Variants in CACNA1B observed in about 807,000 individuals in gnomAD.
CACNA1B encodes voltage-dependent N-type calcium channel subunit alpha-1B.
CACNA1B carries 70 observed loss-of-function variants against 247.2 expected under a neutral mutation model. The observed-to-expected ratio is 0.28, with a 90% CI of 0.23 to 0.35. The LOEUF is 0.35. Ranked by LOEUF, CACNA1B falls within the 10% of genes least tolerant of loss-of-function variation. The pLI, the probability that CACNA1B is intolerant of heterozygous loss-of-function variation, is 1.00. For missense variants in CACNA1B, 2,367 were observed against 3,197.4 expected, an observed-to-expected ratio of 0.74 and a Z score of 6.26; for synonymous variants, 1,231 against 1,294.4, an observed-to-expected ratio of 0.95 and a Z score of 1.05.
chr9:138,091,936 A>G (rs1023636152), intron 36 of CACNA1B, among the ~76,000 whole-genome samples: 4 of 152,212 alleles, frequency 2.6e-5, no homozygotes, highest in Admixed American at 6.5e-5. Context: ...GACATCACCT[A>G]TTGGTAGGTT....
At position 137,974,451 on chromosome 9, in the gene CACNA1B, A is replaced by G. The variant is rs1222547239; in HGVS notation, c.1544-1456A>G. Among the ~76,000 whole-genome samples, 1 of 152,120 alleles carries G rather than the reference A, an allele frequency of 6.6e-6. No individual in the cohort carries two copies. The highest frequency in any genetic ancestry group is 2.4e-5 in the African/African-American group (1 of 41,416). On this transcript the variant is annotated intron_variant, in intron 11 of 46. Coordinates refer to ENST00000371372, the MANE Select transcript of CACNA1B (RefSeq NM_000718.4). This position sits in a 1 kb window ranked among gnomAD's most constrained non-coding sequence, Gnocchi z 4.5. ...ACTTGCTCCAAGGAACTGGTTGTCCATGTCCTCAGGCCATACAAAGTGGGG... is the reference window on the plus strand; with the variant it reads ...ACTTGCTCCAAGGAACTGGTTGTCCGTGTCCTCAGGCCATACAAAGTGGGG...
Position 137,954,891 on chromosome 9 carries a change from A to G in CACNA1B, c.1071-807A>G, listed in dbSNP as rs912149789. ...GTGTGTGTGTGTGTGAGAGAGAGAGAGAGAGAGAGAGGGGGAGAGAGAGAG... is the reference window on the plus strand; with the variant it reads ...GTGTGTGTGTGTGTGAGAGAGAGAGGGAGAGAGAGAGGGGGAGAGAGAGAG... On this transcript the variant is annotated intron_variant, in intron 7 of 46. Coordinates refer to ENST00000371372, the MANE Select transcript of CACNA1B (RefSeq NM_000718.4). The surrounding 1 kb of genome is among the most constrained non-coding windows in gnomAD (Gnocchi z 4.1). Among the ~76,000 whole-genome samples the G allele has an allele frequency of 1.1e-5, 1 of 93,014 alleles. No individual in the cohort carries two copies. Among genetic ancestry groups the G allele is most frequent in the African/African-American group, 8.1e-5 (1 of 12,378 alleles). The allele number at this position is 93,014 out of a possible 152,430, so 61.0% of individuals were successfully genotyped here. A position where few individuals can be genotyped will look rare whatever the true frequency, so the allele number is the denominator to read the frequency against.
At position 137,917,099 on chromosome 9, in the gene CACNA1B, G is replaced by A; in HGVS notation, c.776-142G>A. 1.5e-6 allele frequency: 1 copy of A among 688,734 alleles called. No homozygotes were observed. Among genetic ancestry groups the A allele is most frequent in the Non-Finnish European group, 2.4e-6 (1 of 413,470 alleles). The allele number at this position is 688,734 out of a possible 1,614,324, so 42.7% of individuals were successfully genotyped here. A position where few individuals can be genotyped will look rare whatever the true frequency, so the allele number is the denominator to read the frequency against. ...GCCTGATGCAGATTCGAGGAGGGAT[G>A]GTGGGAAGTTGAGGGAGAGTTTCTG... On this transcript the variant is annotated intron_variant, in intron 5 of 46. Transcript: ENST00000371372. The surrounding 1 kb of genome is among the most constrained non-coding windows in gnomAD (Gnocchi z 5.5).
intron 10 of CACNA1B, among the ~76,000 whole-genome samples, chr9:137,965,601 A>T (rs1000181135): frequency 6.6e-6 from 1 of 151,660 alleles, no homozygotes; most frequent in African/African-American, 2.4e-5. Flanking sequence ...TTATTTATTT[A>T]TTTATTTATT....
intron 6 of CACNA1B, among the ~76,000 whole-genome samples, chr9:137,935,344 A>G (rs1347698030): frequency 6.6e-6 from 1 of 152,124 alleles, no homozygotes; most frequent in Non-Finnish European, 1.5e-5. Context: ...GTGAGTGAGA[A>G]CATGCGGTGT....
At chr9:137,969,680 G>A (rs1300941675) in intron 10 of CACNA1B, among the ~76,000 whole-genome samples, 1 of 152,200 alleles carries the variant, frequency 6.6e-6, no homozygotes, top group Non-Finnish European at 1.5e-5. Context: ...GTCTGTGTGA[G>A]CATCTCATTG....
At chr9:137,959,720 G>A (rs1244712934) in intron 10 of CACNA1B, among the ~76,000 whole-genome samples, 1 of 152,166 alleles carries the variant, frequency 6.6e-6, no homozygotes, top group South Asian at 2.1e-4. Flanking sequence ...CGCCTGTGTC[G>A]AGTGCTTGTG....
rs540676212 is a variant in CACNA1B at position 138,073,098 on chromosome 9, C to T, written c.4675-390C>T. On this transcript the variant is annotated intron_variant, in intron 32 of 46. Coordinates refer to ENST00000371372, the MANE Select transcript of CACNA1B (RefSeq NM_000718.4). This position sits in a 1 kb window ranked among gnomAD's most constrained non-coding sequence, Gnocchi z 6.4. Reference sequence around the variant, plus strand: ...GGTGGAGAAGCAGTCATGCCCAGCACGTGGCCAGCTTGACCGTGTCCTGCA... The same window carrying T: ...GGTGGAGAAGCAGTCATGCCCAGCATGTGGCCAGCTTGACCGTGTCCTGCA... Among the ~76,000 whole-genome samples the T allele has an allele frequency of 3.3e-5, 5 of 152,284 alleles. No homozygotes were observed. Among genetic ancestry groups the T allele is most frequent in the South Asian group, 4.1e-4 (2 of 4,828 alleles).
rs997897858 is a variant in CACNA1B at position 137,974,808 on chromosome 9, C to T, written c.1544-1099C>T. Among the ~76,000 whole-genome samples, 1 of 152,224 alleles carries T rather than the reference C, an allele frequency of 6.6e-6. No individual in the cohort carries two copies. The highest frequency in any genetic ancestry group is 2.4e-5 in the African/African-American group (1 of 41,460). ...GACTCTCAGGGGCCTGCCCTTCATG[C>T]CCTCCCAGGGCCTTGTTCTCCATGT... is the stretch of plus-strand genomic sequence containing the variant. On this transcript the variant is annotated intron_variant, in intron 11 of 46. Transcript: ENST00000371372. This position sits in a 1 kb window ranked among gnomAD's most constrained non-coding sequence, Gnocchi z 4.5.
intron 20 of CACNA1B, among the ~76,000 whole-genome samples, chr9:138,030,218 T>TTTTTG (rs977803583): frequency 2.6e-5 from 4 of 152,156 alleles, no homozygotes; most frequent in Non-Finnish European, 5.9e-5. Flanking sequence ...GTTTGGTTGT[T>TTTTTG]TTTTGTTTTG....
chr9:137,961,128 C>A (rs944781931), intron 10 of CACNA1B, among the ~76,000 whole-genome samples: 2 of 151,920 alleles, frequency 1.3e-5, no homozygotes, highest in Non-Finnish European at 2.9e-5. Context: ...AGCTTTATTC[C>A]TAGGTATTTT....
intron 10 of CACNA1B, among the ~76,000 whole-genome samples, chr9:137,967,702 C>T (rs531111729): frequency 7.2e-5 from 11 of 152,302 alleles, no homozygotes; most frequent in Admixed American, 1.3e-4. Context: ...GTGTCTCTCT[C>T]TCTCATTTCC....
Position 138,121,559 on chromosome 9 carries a change from C to T in CACNA1B, c.6580C>T (p.Pro2194Ser). ...RGGRRQLPQT[P>S]LTPRPSITYK... is the part of the protein sequence containing the mutation. ...TGGGCGGAGGCAGCTCCCCCAGACGCCCCTGACTCCCCGCCCCAGCATCAC... is the reference window on the plus strand; with the variant it reads ...TGGGCGGAGGCAGCTCCCCCAGACGTCCCTGACTCCCCGCCCCAGCATCAC... Residue 2194 changes from proline to serine, a missense_variant, in exon 47 of 47, where the codon CCC becomes TCC. This residue lies in a region of CACNA1B where 773 missense variants were observed against 779.4 expected (regional missense o/e 0.99). Coordinates refer to ENST00000371372, the MANE Select transcript of CACNA1B (RefSeq NM_000718.4). This position sits in a 1 kb window ranked among gnomAD's most constrained non-coding sequence, Gnocchi z 6.8. 1 of 1,606,686 alleles carries T rather than the reference C, an allele frequency of 6.2e-7. No individual in the cohort carries two copies. The highest frequency in any genetic ancestry group is 2.2e-5 in the East Asian group (1 of 44,708).
At chr9:138,081,059 G>A (rs962800805) in intron 36 of CACNA1B, among the ~76,000 whole-genome samples, 1 of 152,204 alleles carries the variant, frequency 6.6e-6, no homozygotes, top group African/African-American at 2.4e-5. Context: ...ACTTTCCTGA[G>A]GCATTGGTCT....
chr9:138,026,727 TAAAC>T (rs1958924829), intron 20 of CACNA1B, among the ~76,000 whole-genome samples: 1 of 152,254 alleles, frequency 6.6e-6, no homozygotes. Context: ...AAAACTGCTT[TAAAC>T]ATTCATGTTC....
chr9:137,950,373 G>C lies in CACNA1B; in HGVS notation c.967-1901G>C, dbSNP rs925510078. Among the ~76,000 whole-genome samples, 1 of 152,246 alleles carries C rather than the reference G, an allele frequency of 6.6e-6. No individual in the cohort carries two copies. Among genetic ancestry groups the C allele is most frequent in the African/African-American group, 2.4e-5 (1 of 41,472 alleles). ...GCTGCAGGGGGTGCCCCTACTGCCTGTGTAAATGGAAGTCAAGGTGTCCCG... is the reference window on the plus strand; with the variant it reads ...GCTGCAGGGGGTGCCCCTACTGCCTCTGTAAATGGAAGTCAAGGTGTCCCG... On this transcript the variant is annotated intron_variant, in intron 6 of 46. Coordinates refer to ENST00000371372, the MANE Select transcript of CACNA1B (RefSeq NM_000718.4). This position sits in a 1 kb window ranked among gnomAD's most constrained non-coding sequence, Gnocchi z 4.8.
intron 20 of CACNA1B, among the ~76,000 whole-genome samples, chr9:138,029,008 C>G (rs1958955608): frequency 6.6e-6 from 1 of 152,212 alleles, no homozygotes; most frequent in Non-Finnish European, 1.5e-5. Context: ...CTTCACACAA[C>G]CAACTGAATT....
chr9:138,105,796 A>G lies in CACNA1B; in HGVS notation c.5417A>G (p.Lys1806Arg). 1 of 1,548,684 alleles carries G rather than the reference A, an allele frequency of 6.5e-7. No homozygotes were observed. Among genetic ancestry groups the G allele is most frequent in the Non-Finnish European group, 8.7e-7 (1 of 1,144,408 alleles). The change falls in exon 39 of 47, where the codon AAG becomes AGG. Residue 1806 changes from lysine (K) to arginine (R), a missense_variant. Lys to Arg is a conservative substitution (Grantham distance 26). Transcript: ENST00000371372. Reference sequence around the variant, plus strand: ...CTCATCCGGACGGCACTGGAGATCAAGCTGGCCCCAGGTGAGCAAGGCAGC... The same window carrying G: ...CTCATCCGGACGGCACTGGAGATCAGGCTGGCCCCAGGTGAGCAAGGCAGC... ...MALIRTALEI[K>R]LAPAGTKQHQ...
At chr9:137,909,522 G>A (rs1367487937) in intron 3 of CACNA1B, among the ~76,000 whole-genome samples, 4 of 152,202 alleles carry the variant, frequency 2.6e-5, no homozygotes, top group Non-Finnish European at 5.9e-5. Flanking sequence ...TGGAGCAAAT[G>A]CAGCATTAGA....
Sources: gnomAD v4.1 joint callset for allele counts (sites outside exome capture counted in the v4.1 genomes callset) on GRCh38, gnomAD v4.1.1 for gene constraint, gnomAD v4.1.1 regional missense constraint, Gnocchi (gnomAD v3.1) non-coding constraint, MANE v1.5 for transcripts, NCBI Gene and HGNC (gene_info 2026-07-23, HGNC 2026-07-21) for gene names.